Variants in DRC11 observed in about 807,000 individuals in gnomAD.
DRC11 encodes dynein regulatory complex subunit 11.
chr2:236,504,993 G>C, the DRC11 span, among the ~76,000 whole-genome samples: 1 of 152,212 alleles, frequency 6.6e-6, no homozygotes, highest in Non-Finnish European at 1.5e-5. The surrounding 1 kb of genome is among the most constrained non-coding windows in gnomAD (Gnocchi z 5.0). Flanking sequence ...TGTGAGAACA[G>C]ACTAATACAG....
the DRC11 span, among the ~76,000 whole-genome samples, chr2:236,434,026 C>T: frequency 6.6e-6 from 1 of 152,174 alleles, no homozygotes; most frequent in Non-Finnish European, 1.5e-5. The surrounding 1 kb of genome is among the most constrained non-coding windows in gnomAD (Gnocchi z 5.5). Context: ...TTATGGTTTT[C>T]CCTTTTGGAT....
At chr2:236,478,005 T>TTGTGTGTGTGTGTGTGTG in the DRC11 span, among the ~76,000 whole-genome samples, 1 of 146,794 alleles carries the variant, frequency 6.8e-6, no homozygotes, top group African/African-American at 2.6e-5. The surrounding 1 kb of genome is among the most constrained non-coding windows in gnomAD (Gnocchi z 5.9). Context: ...TTTTGTTGAT[T>TTGTGTGTGTGTGTGTGTG]TGTGTGTGTG....
the DRC11 span, chr2:236,331,888 C>T: frequency 2.8e-6 from 1 of 358,340 alleles, no homozygotes; most frequent in Non-Finnish European, 5.1e-6. The surrounding 1 kb of genome is among the most constrained non-coding windows in gnomAD (Gnocchi z 4.8). Flanking sequence ...TAATGTGGTA[C>T]CTGTAAAGAT....
At chr2:236,343,668 G>A in the DRC11 span, 3 of 1,241,626 alleles carry the variant, frequency 2.4e-6, no homozygotes, top group South Asian at 3.8e-5. This position sits in a 1 kb window ranked among gnomAD's most constrained non-coding sequence, Gnocchi z 6.6. Context: ...ACCTGGTGGA[G>A]AACCCGGTCA....
At chr2:236,371,610 C>T in the DRC11 span, among the ~76,000 whole-genome samples, 1 of 152,160 alleles carries the variant, frequency 6.6e-6, no homozygotes, top group African/African-American at 2.4e-5. The surrounding 1 kb of genome is among the most constrained non-coding windows in gnomAD (Gnocchi z 5.1). Context: ...AAGCCCTCAC[C>T]TTGTCCTGGT....
chr2:236,365,273 G>A, the DRC11 span, among the ~76,000 whole-genome samples: 3 of 152,000 alleles, frequency 2.0e-5, no homozygotes, highest in African/African-American at 7.3e-5. This position sits in a 1 kb window ranked among gnomAD's most constrained non-coding sequence, Gnocchi z 7.4. Flanking sequence ...GCAGTGAGAA[G>A]GTCCAGGAGA....
At chr2:236,419,305 T>C in the DRC11 span, 11 of 1,516,516 alleles carry the variant, frequency 7.3e-6, no homozygotes, top group African/African-American at 2.8e-5. The surrounding 1 kb of genome is among the most constrained non-coding windows in gnomAD (Gnocchi z 4.8). Context: ...ACCATTTTCA[T>C]AGATCCCTAT....
chr2:236,417,187 T>C, the DRC11 span, among the ~76,000 whole-genome samples: 1 of 152,164 alleles, frequency 6.6e-6, no homozygotes, highest in East Asian at 1.9e-4. Flanking sequence ...TGGCTTTTGT[T>C]ACCATTGCCT....
At chr2:236,425,200 T>C in the DRC11 span, among the ~76,000 whole-genome samples, 3 of 151,994 alleles carry the variant, frequency 2.0e-5, no homozygotes, top group South Asian at 2.1e-4. Flanking sequence ...TGCTGGATCA[T>C]ATAGTTCTAT....
the DRC11 span, among the ~76,000 whole-genome samples, chr2:236,405,349 G>A: frequency 4.0e-5 from 6 of 151,446 alleles, no homozygotes; most frequent in South Asian, 6.3e-4. This position sits in a 1 kb window ranked among gnomAD's most constrained non-coding sequence, Gnocchi z 4.6. Context: ...TCTCTGCTTG[G>A]CCACACCAGC....
the DRC11 span, among the ~76,000 whole-genome samples, chr2:236,413,431 C>A: frequency 6.6e-6 from 1 of 152,200 alleles, no homozygotes; most frequent in African/African-American, 2.4e-5. The surrounding 1 kb of genome is among the most constrained non-coding windows in gnomAD (Gnocchi z 4.0). Flanking sequence ...CTTGATGGCA[C>A]CCTCATTCCT....
chr2:236,483,325 T>C, the DRC11 span, among the ~76,000 whole-genome samples: 1 of 152,184 alleles, frequency 6.6e-6, no homozygotes, highest in African/African-American at 2.4e-5. The surrounding 1 kb of genome is among the most constrained non-coding windows in gnomAD (Gnocchi z 4.8). Context: ...ACAGCACACC[T>C]AAACAACTAA....
chr2:236,399,323 C>T, the DRC11 span: 7 of 1,017,822 alleles, frequency 6.9e-6, no homozygotes, highest in African/African-American at 9.5e-5. This position sits in a 1 kb window ranked among gnomAD's most constrained non-coding sequence, Gnocchi z 7.0. Flanking sequence ...CAGAATGTCT[C>T]GGTTGTGAGT....
chr2:236,473,315 CAG>C, the DRC11 span, among the ~76,000 whole-genome samples: 2 of 152,220 alleles, frequency 1.3e-5, no homozygotes, highest in Non-Finnish European at 2.9e-5. This position sits in a 1 kb window ranked among gnomAD's most constrained non-coding sequence, Gnocchi z 4.8. Context: ...CTTTCCCAAA[CAG>C]AGTCTCGGGA....
the DRC11 span, among the ~76,000 whole-genome samples, chr2:236,369,439 A>G: frequency 2.0e-5 from 3 of 152,182 alleles, no homozygotes; most frequent in Non-Finnish European, 4.4e-5. The surrounding 1 kb of genome is among the most constrained non-coding windows in gnomAD (Gnocchi z 4.5). Context: ...CTTTTTAATG[A>G]GCAGGTAATA....
the DRC11 span, among the ~76,000 whole-genome samples, chr2:236,406,149 A>C: frequency 3.3e-5 from 5 of 152,252 alleles, no homozygotes; most frequent in African/African-American, 1.2e-4. This position sits in a 1 kb window ranked among gnomAD's most constrained non-coding sequence, Gnocchi z 4.7. Context: ...TCAATGGGAC[A>C]TACTGAGAGA....
chr2:236,409,371 T>C, the DRC11 span, among the ~76,000 whole-genome samples: 6 of 152,120 alleles, frequency 3.9e-5, no homozygotes, highest in African/African-American at 7.2e-5. Context: ...TTTGAAGCAA[T>C]TGTGAATGGG....
At chr2:236,472,331 T>TAG in the DRC11 span, among the ~76,000 whole-genome samples, 1 of 152,150 alleles carries the variant, frequency 6.6e-6, no homozygotes, top group African/African-American at 2.4e-5. This position sits in a 1 kb window ranked among gnomAD's most constrained non-coding sequence, Gnocchi z 4.6. Flanking sequence ...CCCCTGCAGC[T>TAG]AGCTATGGTA....
chr2:236,334,489 GC>G, the DRC11 span, among the ~76,000 whole-genome samples: 1 of 152,282 alleles, frequency 6.6e-6, no homozygotes, highest in South Asian at 2.1e-4. This position sits in a 1 kb window ranked among gnomAD's most constrained non-coding sequence, Gnocchi z 7.8. Flanking sequence ...AGTGTTGAGG[GC>G]AGCAGAGGGG....
Sources: gnomAD v4.1 joint callset for allele counts (sites outside exome capture counted in the v4.1 genomes callset) on GRCh38, gnomAD v4.1.1 for gene constraint, Gnocchi (gnomAD v3.1) non-coding constraint, MANE v1.5 for transcripts, NCBI Gene and HGNC (gene_info 2026-07-23, HGNC 2026-07-21) for gene names.